The following ARHGAP15 variants were observed in gnomAD, a reference collection of about 807,000 sequenced individuals.
ARHGAP15 encodes Rho GTPase activating protein 15, also known as rho GTPase-activating protein 15.
In ARHGAP15, 51 loss-of-function variants were observed where a neutral mutation model predicts 63.7. That is an observed-to-expected ratio of 0.80 (90% CI 0.64 to 1.01). ARHGAP15 has a LOEUF of 1.01. ARHGAP15 is among the 50% of genes least tolerant of loss of function. The pLI is 0.00. For missense variants in ARHGAP15, 560 were observed against 564.6 expected (o/e 0.99, Z 0.08); for synonymous variants, 191 against 193.8 (o/e 0.99, Z 0.12).
chr2:143,716,099 G>A (rs1370205535), intron 13 of ARHGAP15, among the ~76,000 whole-genome samples: 2 of 152,138 alleles, frequency 1.3e-5, no homozygotes, highest in Non-Finnish European at 2.9e-5. Flanking sequence ...AGGAAGATCT[G>A]TGCAGCAAAC....
At chr2:143,519,498 G>A in intron 10 of ARHGAP15, 134 bp downstream of exon 10, 1 of 565,992 alleles carries the variant, frequency 1.8e-6, no homozygotes. Flanking sequence ...TCGGTTAAGA[G>A]GATCATCTTT....
chr2:143,345,417 C>A (rs939941976), intron 6 of ARHGAP15, among the ~76,000 whole-genome samples: 7 of 152,080 alleles, frequency 4.6e-5, no homozygotes, highest in African/African-American at 1.7e-4. Context: ...TTACCAAAAT[C>A]ATTTTTATGT....
At chr2:143,427,346 C>T (rs1281323527) in intron 6 of ARHGAP15, among the ~76,000 whole-genome samples, 1 of 152,168 alleles carries the variant, frequency 6.6e-6, no homozygotes, top group Non-Finnish European at 1.5e-5. Context: ...CCTCCTCCCA[C>T]AGTTTGCTTA....
intron 11 of ARHGAP15, among the ~76,000 whole-genome samples, chr2:143,612,447 AG>A (rs1460787587): frequency 6.6e-6 from 1 of 152,222 alleles, no homozygotes; most frequent in Non-Finnish European, 1.5e-5. Context: ...ATGCTGATAT[AG>A]CTGGTTCTGG....
rs1574285768 is a variant in ARHGAP15, at chr2:143,330,113, AAAAAAAAAAAAAAAAAAACC to A, written c.474+79519_474+79538del. ...CTGTCTCAAAAAAAAAAAAAAAAAAAAAAAAAAAAAAAAAAAAACCAAAAACAAAAAACTAAACTAATGAT... is the reference window on the plus strand; with the variant it reads ...CTGTCTCAAAAAAAAAAAAAAAAAAAAAAAACAAAAAACTAAACTAATGAT... On this transcript the variant is annotated intron_variant, in intron 6 of 13. Coordinates refer to ENST00000295095, the MANE Select transcript of ARHGAP15 (RefSeq NM_018460.4). Among the ~76,000 whole-genome samples the A allele has an allele frequency of 8.8e-5, 8 of 90,450 alleles. 2 individuals carry two copies. The highest frequency in any genetic ancestry group is 6.8e-4 in the East Asian group (2 of 2,940). The allele number at this position is 90,450 out of a possible 152,430, so 59.3% of individuals were successfully genotyped here. A position where few individuals can be genotyped will look rare whatever the true frequency, so the allele number is the denominator to read the frequency against.
chr2:143,628,638 C>T (rs1225745897), intron 12 of ARHGAP15, among the ~76,000 whole-genome samples: 3 of 152,164 alleles, frequency 2.0e-5, no homozygotes, highest in African/African-American at 4.8e-5. Context: ...GTGACACAGA[C>T]TCTCCTTTCT....
At chr2:143,277,913 T>C (rs1259390088) in intron 6 of ARHGAP15, among the ~76,000 whole-genome samples, 2 of 152,174 alleles carry the variant, frequency 1.3e-5, no homozygotes, top group Non-Finnish European at 2.9e-5. Context: ...CTTACAAAGC[T>C]TGGGTTCATT....
At chr2:143,765,065 AATTG>A (rs1474290690) in intron 13 of ARHGAP15, among the ~76,000 whole-genome samples, 1 of 151,170 alleles carries the variant, frequency 6.6e-6, no homozygotes, top group African/African-American at 2.4e-5. Flanking sequence ...ATAAGTACTC[AATTG>A]ATTATTTATC....
At chr2:143,456,338 A>G (rs554889926) in intron 8 of ARHGAP15, among the ~76,000 whole-genome samples, 1 of 152,262 alleles carries the variant, frequency 6.6e-6, no homozygotes, top group African/African-American at 2.4e-5. Context: ...GGGCAACTTA[A>G]TTGGAGGTTG....
chr2:143,523,003 A>C (rs1200146247), intron 10 of ARHGAP15, among the ~76,000 whole-genome samples: 2 of 152,218 alleles, frequency 1.3e-5, no homozygotes, highest in African/African-American at 2.4e-5. Context: ...CTGGTATAAC[A>C]AGTAAGACCT....
chr2:143,659,568 G>T (rs1681639817), intron 12 of ARHGAP15, among the ~76,000 whole-genome samples: 1 of 152,070 alleles, frequency 6.6e-6, no homozygotes, highest in Non-Finnish European at 1.5e-5. Flanking sequence ...AAGATTCTTA[G>T]GTATCCATTG....
At chr2:143,655,070 A>C (rs1681364663) in intron 12 of ARHGAP15, among the ~76,000 whole-genome samples, 1 of 152,190 alleles carries the variant, frequency 6.6e-6, no homozygotes, top group African/African-American at 2.4e-5. Context: ...TCCATCAAAA[A>C]ATGTTAAAAT....
At chr2:143,688,254 T>TA (rs771026479) in intron 12 of ARHGAP15, among the ~76,000 whole-genome samples, 112 of 152,304 alleles carry the variant, frequency 7.4e-4, no homozygotes, top group African/African-American at 2.6e-3. Flanking sequence ...CAAGTATTCC[T>TA]ACGAAGAGAA....
intron 10 of ARHGAP15, among the ~76,000 whole-genome samples, chr2:143,520,494 TATCAACAC>T (rs1488303018): frequency 6.6e-6 from 1 of 152,018 alleles, no homozygotes; most frequent in Non-Finnish European, 1.5e-5. Context: ...GGGGAAAGCA[TATCAACAC>T]ATCAGAGAGA....
chr2:143,390,820 T>C (rs1004405638), intron 6 of ARHGAP15, among the ~76,000 whole-genome samples: 34 of 151,704 alleles, frequency 2.2e-4, no homozygotes, highest in Admixed American at 7.2e-4. Flanking sequence ...GAGGGAACAA[T>C]CCTTGTACTC....
chr2:143,237,318 A>G (rs1051196782), intron 5 of ARHGAP15: 16 of 152,328 alleles, frequency 1.1e-4, no homozygotes, highest in African/African-American at 3.8e-4. Context: ...CGACAGAGAA[A>G]ATTGTAAAAC....
At chr2:143,325,430 T>G (rs1211567813) in intron 6 of ARHGAP15, among the ~76,000 whole-genome samples, 1 of 152,024 alleles carries the variant, frequency 6.6e-6, no homozygotes, top group Non-Finnish European at 1.5e-5. Flanking sequence ...TGTCACAGGA[T>G]GATGATGATA....
At chr2:143,531,300 G>A (rs969029143) in intron 10 of ARHGAP15, among the ~76,000 whole-genome samples, 3 of 152,166 alleles carry the variant, frequency 2.0e-5, no homozygotes, top group Non-Finnish European at 4.4e-5. Flanking sequence ...AGGTAAGCTA[G>A]TAATGTCTGA....
At chr2:143,464,970 A>C (rs1321171380) in intron 8 of ARHGAP15, among the ~76,000 whole-genome samples, 1 of 152,128 alleles carries the variant, frequency 6.6e-6, no homozygotes, top group Non-Finnish European at 1.5e-5. Context: ...AACTTAAAAA[A>C]CACCCTTCTT....
Sources: allele counts gnomAD v4.1 joint callset (sites outside exome capture counted in the v4.1 genomes callset), GRCh38; gene constraint gnomAD v4.1.1; transcripts MANE v1.5; gene names NCBI Gene and HGNC (gene_info 2026-07-23, HGNC 2026-07-21).